Variants in LPIN1 observed in about 807,000 individuals in gnomAD.
The protein encoded by LPIN1 is phosphatidate phosphatase LPIN1.
Under a neutral mutation model 107.5 loss-of-function variants are expected in LPIN1, and 71 were observed. That is an observed-to-expected ratio of 0.66 (90% confidence interval 0.55 to 0.80). LPIN1 has a LOEUF of 0.80. LPIN1 is among the 30% of genes least tolerant of loss of function. The probability of loss-of-function intolerance (pLI) is 0.00; values close to 1 mark genes in which losing one functional copy is unlikely to be tolerated. For missense variants in LPIN1, 1,043 were observed against 1,160.6 expected, an observed-to-expected ratio of 0.90 and a Z score of 1.47; for synonymous variants, 445 against 452.6, an observed-to-expected ratio of 0.98 and a Z score of 0.21.
At chr2:11,713,765 A>T in exon 2 of LPIN1, 2 of 1,513,384 alleles carry the variant, frequency 1.3e-6, no homozygotes, top group Non-Finnish European at 1.8e-6. Context: ...GATTCCAATA[A>T]TGAGAGACCC....
intron 1 of LPIN1, chr2:11,764,103 T>TATATATATACACACAC (rs1553422099): frequency 8.2e-6 from 1 of 121,844 alleles, no homozygotes; most frequent in African/African-American, 3.4e-5. Context: ...TATATATATA[T>TATATATATACACACAC]ACACACACAC....
chr2:11,736,721 C>T (rs1328904870), intron 1 of LPIN1, among the ~76,000 whole-genome samples: 1 of 152,226 alleles, frequency 6.6e-6, no homozygotes, highest in Non-Finnish European at 1.5e-5. Context: ...ATATCCATTG[C>T]AGTCACTGTC....
chr2:11,824,203 C>T (rs186221563), intron 20 of LPIN1, among the ~76,000 whole-genome samples: 1 of 152,084 alleles, frequency 6.6e-6, no homozygotes, highest in African/African-American at 2.4e-5. Flanking sequence ...CTCTTTAACC[C>T]CAGGACCCAG....
intron 1 of LPIN1, among the ~76,000 whole-genome samples, chr2:11,678,749 G>T (rs924574191): frequency 1.3e-5 from 2 of 152,216 alleles, no homozygotes; most frequent in Non-Finnish European, 2.9e-5. Flanking sequence ...GAAAGGAGGC[G>T]TGGATCCTGC....
chr2:11,794,329 A>G (rs1676293857), intron 13 of LPIN1, among the ~76,000 whole-genome samples: 1 of 152,234 alleles, frequency 6.6e-6, no homozygotes, highest in South Asian at 2.1e-4. Flanking sequence ...GAGTGCCGCT[A>G]TAAAGTAAGG....
chr2:11,823,821 G>A (rs188848338), intron 20 of LPIN1, among the ~76,000 whole-genome samples: 9 of 152,290 alleles, frequency 5.9e-5, no homozygotes, highest in Admixed American at 5.9e-4. Context: ...GAGAGCAAGA[G>A]AACGTTGTAG....
intron 14 of LPIN1, among the ~76,000 whole-genome samples, chr2:11,797,994 G>A (rs1161949478): frequency 1.3e-5 from 2 of 152,124 alleles, no homozygotes; most frequent in African/African-American, 4.8e-5. Context: ...TCATGGGGCC[G>A]TTTCCCCCAT....
At chr2:11,820,127 G>A (rs1310340303) in intron 19 of LPIN1, among the ~76,000 whole-genome samples, 1 of 152,200 alleles carries the variant, frequency 6.6e-6, no homozygotes, top group African/African-American at 2.4e-5. Flanking sequence ...TCATGAAGTA[G>A]GAATATGGGT....
At chr2:11,816,860 C>G (rs902851560) in intron 18 of LPIN1, 9 of 151,908 alleles carry the variant, frequency 5.9e-5, no homozygotes, top group African/African-American at 2.2e-4. Flanking sequence ...AGCCCGTCAT[C>G]CAGGTTTTAA....
chr2:11,782,061 A>G, intron 7 of LPIN1, 140 bp from the exon 8 acceptor site: 1 of 708,398 alleles, frequency 1.4e-6, no homozygotes, highest in South Asian at 1.6e-5. Context: ...TGGCAGGTAT[A>G]GAAATCACCA....
intron 1 of LPIN1, among the ~76,000 whole-genome samples, chr2:11,759,834 G>T (rs1300093927): frequency 7.6e-6 from 1 of 132,064 alleles, no homozygotes; most frequent in Non-Finnish European, 1.7e-5. Context: ...CCTCCCTCCC[G>T]GACGGGGCGG....
At chr2:11,798,134 G>T (rs1677053894) in intron 14 of LPIN1, among the ~76,000 whole-genome samples, 1 of 152,210 alleles carries the variant, frequency 6.6e-6, no homozygotes, top group Non-Finnish European at 1.5e-5. Context: ...TTTGCCTTCA[G>T]CCATGATTGT....
chr2:11,727,371 A>G (rs1021816240), intron 1 of LPIN1, among the ~76,000 whole-genome samples: 4 of 152,164 alleles, frequency 2.6e-5, no homozygotes, highest in East Asian at 3.9e-4. Context: ...TTCTTTCAAC[A>G]TCTTTGCTCG....
intron 1 of LPIN1, chr2:11,677,828 G>A (rs1160278566): frequency 3.3e-5 from 34 of 1,032,760 alleles, no homozygotes; most frequent in East Asian, 1.6e-4. Context: ...GAACATTTGC[G>A]CCCAGAGCGC....
intron 1 of LPIN1, among the ~76,000 whole-genome samples, chr2:11,734,257 T>A (rs1572463088): frequency 6.6e-6 from 1 of 152,120 alleles, no homozygotes; most frequent in East Asian, 1.9e-4. Flanking sequence ...TGGATAATAG[T>A]AATAATAACG....
chr2:11,717,512 A>C (rs1455767479), intron 2 of LPIN1, among the ~76,000 whole-genome samples: 2 of 151,664 alleles, frequency 1.3e-5, no homozygotes, highest in Non-Finnish European at 2.9e-5. Context: ...CAAACACAGA[A>C]TGTCCTTAAA....
chr2:11,805,489 G>A (rs1678521610), intron 17 of LPIN1: 28 of 428,348 alleles, frequency 6.5e-5, no homozygotes, highest in South Asian at 6.4e-4. Flanking sequence ...AGAAATAGGA[G>A]CTTATATGTT....
At chr2:11,735,846 T>C (rs534812406) in intron 1 of LPIN1, among the ~76,000 whole-genome samples, 2 of 152,368 alleles carry the variant, frequency 1.3e-5, no homozygotes, top group East Asian at 3.9e-4. Flanking sequence ...TGATAAATGG[T>C]TATATCACTT....
intron 13 of LPIN1, among the ~76,000 whole-genome samples, chr2:11,794,819 G>T (rs529536404): frequency 1.3e-5 from 2 of 152,126 alleles, no homozygotes; most frequent in African/African-American, 4.8e-5. Context: ...AATTTCACCC[G>T]TTTCACAGAT....
Sources: allele counts gnomAD v4.1 joint callset (sites outside exome capture counted in the v4.1 genomes callset), GRCh38; gene constraint gnomAD v4.1.1; transcripts MANE v1.5; gene names NCBI Gene and HGNC (gene_info 2026-07-23, HGNC 2026-07-21).